VWF: variants seen among roughly 807,000 people sequenced by gnomAD.
VWF encodes the protein von Willebrand factor.
A neutral mutation model predicts 308.6 loss-of-function variants in VWF; 176 were observed. The ratio of observed to expected loss-of-function variants is 0.57; its 90% CI spans 0.50 to 0.65. VWF has a LOEUF of 0.65. Ranked by LOEUF, VWF falls within the 30% of genes least tolerant of loss-of-function variation. VWF has a pLI of 0.00. For missense variants in VWF, 3,146 were observed against 3,648.2 expected, an observed-to-expected ratio of 0.86 and a Z score of 3.55; for synonymous variants, 1,385 against 1,443.4, an observed-to-expected ratio of 0.96 and a Z score of 0.92.
At chr12:6,099,187 G>T (rs183520012) in intron 5 of VWF, among the ~76,000 whole-genome samples, 1 of 152,072 alleles carries the variant, frequency 6.6e-6, no homozygotes, top group African/African-American at 2.4e-5. Context: ...AGGCGTGGGG[G>T]TGGATGCCTG....
rs187297022 is a variant in VWF, at chr12:6,087,536, T to C, written c.657+7924A>G. Among the ~76,000 whole-genome samples, 93 of 144,986 alleles carry C rather than the reference T, an allele frequency of 6.4e-4. 1 individual carries two copies. Among genetic ancestry groups the C allele is most frequent in the Non-Finnish European group, 9.3e-4 (62 of 66,538 alleles). The stretch of plus-strand genomic sequence containing the variant: ...ACCACGCCCGGCTAATTTTTTTTTT[T>C]TTGTATTGTTAGTAGAGACGGGGCT... On this transcript the variant is annotated intron_variant, in intron 6 of 51. Coordinates refer to ENST00000261405, the MANE Select transcript of VWF (RefSeq NM_000552.5).
intron 6 of VWF, among the ~76,000 whole-genome samples, chr12:6,091,697 C>A (rs1945036668): frequency 6.6e-6 from 1 of 152,148 alleles, no homozygotes; most frequent in South Asian, 2.1e-4. Flanking sequence ...GTATGAGCCA[C>A]CGCACCAGGC....
At chr12:6,105,609 TAAGTA>T (rs1367227691) in intron 5 of VWF, among the ~76,000 whole-genome samples, 2 of 152,206 alleles carry the variant, frequency 1.3e-5, no homozygotes, top group Admixed American at 1.3e-4. Flanking sequence ...TTTCTCCTTT[TAAGTA>T]AAGAGAAATA....
intron 42 of VWF, among the ~76,000 whole-genome samples, chr12:5,977,923 G>C (rs888428750): frequency 4.7e-5 from 7 of 148,078 alleles, no homozygotes; most frequent in Non-Finnish European, 1.0e-4. Context: ...ATAAATTATA[G>C]GGTGGAGGAA....
At chr12:6,105,226 A>T (rs989210815) in intron 5 of VWF, among the ~76,000 whole-genome samples, 2 of 152,066 alleles carry the variant, frequency 1.3e-5, no homozygotes, top group Admixed American at 6.6e-5. Flanking sequence ...GTACCCCATA[A>T]ATTTATACAA....
chr12:6,073,891 A>G, intron 7 of VWF, 150 bp from the exon 8 acceptor site: 1 of 1,240,972 alleles, frequency 8.1e-7, no homozygotes, highest in Non-Finnish European at 1.1e-6. Flanking sequence ...CCAGTGAGCC[A>G]CGTGCCCCCC....
At chr12:6,109,473 T>C (rs1945280389) in intron 5 of VWF, among the ~76,000 whole-genome samples, 1 of 152,168 alleles carries the variant, frequency 6.6e-6, no homozygotes, top group Non-Finnish European at 1.5e-5. Context: ...TCCAATATGG[T>C]ACATTCCAAT....
At chr12:5,965,003 C>A (rs1943384439) in intron 47 of VWF, among the ~76,000 whole-genome samples, 1 of 152,166 alleles carries the variant, frequency 6.6e-6, no homozygotes, top group Non-Finnish European at 1.5e-5. Context: ...AGGGCCAGAC[C>A]ACAGCTGCAC....
At chr12:6,030,915 G>A (rs1479045406) in intron 21 of VWF, among the ~76,000 whole-genome samples, 1 of 152,156 alleles carries the variant, frequency 6.6e-6, no homozygotes, top group Non-Finnish European at 1.5e-5. Context: ...TGTAGTCCCA[G>A]CTACTAAGGA....
rs71582862 is a variant in VWF, at chr12:6,046,585, C to T, written c.2281+138G>A. On this transcript the variant is annotated intron_variant, in intron 17 of 51. Coordinates refer to ENST00000261405, the MANE Select transcript of VWF (RefSeq NM_000552.5). The surrounding 1 kb of genome is among the most constrained non-coding windows in gnomAD (Gnocchi z 5.0). ...ACTCACACAAACCCAGAAATGAAGG[C>T]GATCCTGGGCGAAGCCAGACCCATG... 0.017 allele frequency: 13,842 copies of T among 824,014 alleles called. 163 individuals carry two copies. The highest frequency in any genetic ancestry group is 0.023 in the Non-Finnish European group (11,254 of 498,822). 51.0% of individuals were successfully genotyped at this position (824,014 alleles called of 1,614,324 possible). A position where few individuals can be genotyped will look rare whatever the true frequency, so the allele number is the denominator to read the frequency against.
chr12:6,028,808 G>A (rs530407409), intron 22 of VWF, among the ~76,000 whole-genome samples: 4 of 152,292 alleles, frequency 2.6e-5, no homozygotes, highest in African/African-American at 9.6e-5. Context: ...GCAAAAACAT[G>A]CCAAATTGTA....
intron 15 of VWF, 51 bp downstream of exon 15, chr12:6,056,806 G>C: frequency 7.6e-7 from 1 of 1,318,014 alleles, no homozygotes; most frequent in South Asian, 2.0e-5. Context: ...AAGCACACGT[G>C]GACGGATTTG....
intron 14 of VWF, among the ~76,000 whole-genome samples, chr12:6,057,469 C>T (rs1267873325): frequency 2.3e-5 from 3 of 129,818 alleles, no homozygotes; most frequent in Non-Finnish European, 5.1e-5. Context: ...CGCCCCACCA[C>T]GCCCGGCAAA....
rs148257947 is a variant in VWF at position 6,017,246 on chromosome 12, C to T, written c.5054-376G>A. Reference sequence around the variant, plus strand: ...AAGGAGACTGCAAAAGGAAATGGAGCGGCAGCCCCTCCCTGGACAATGAGC... The same window carrying T: ...AAGGAGACTGCAAAAGGAAATGGAGTGGCAGCCCCTCCCTGGACAATGAGC... On this transcript the variant is annotated intron_variant, in intron 28 of 51. Transcript: ENST00000261405. 3.7e-3 allele frequency among the ~76,000 whole-genome samples: 567 copies of T among 152,254 alleles called. 4 individuals carry two copies. Among genetic ancestry groups the T allele is most frequent in the African/African-American group, 0.013 (520 of 41,534 alleles).
chr12:6,029,532 G>C, intron 21 of VWF, 44 bp from the exon 22 acceptor site: 1 of 1,611,856 alleles, frequency 6.2e-7, no homozygotes, highest in Non-Finnish European at 8.5e-7. Context: ...TGAAGGGCAG[G>C]CTCGACAGCC....
intron 5 of VWF, among the ~76,000 whole-genome samples, chr12:6,105,380 T>C (rs1248090920): frequency 1.3e-5 from 2 of 152,100 alleles, no homozygotes; most frequent in African/African-American, 2.4e-5. Context: ...AGGCATGTGC[T>C]ACCACCCCCA....
chr12:5,981,943 G>A lies in VWF; in HGVS notation c.7130C>T (p.Pro2377Leu), dbSNP rs368646629. Residue 2377 changes from proline to leucine, a missense_variant, in exon 42 of 52, where the codon CCG becomes CTG. Physicochemically the swap from Pro to Leu is moderately conservative, Grantham distance 98. Coordinates refer to ENST00000261405, the MANE Select transcript of VWF (RefSeq NM_000552.5). ...CTTCCGAAGGGTGGGCAAACGGTGCGGGGGGCAGGAGGGTGGGGACACTCT... is the reference window on the plus strand; with the variant it reads ...CTTCCGAAGGGTGGGCAAACGGTGCAGGGGGCAGGAGGGTGGGGACACTCT... ...CKRVSPPSCPPHRLPTLRKTQ... is the reference protein window; with the variant it reads ...CKRVSPPSCPLHRLPTLRKTQ... The A allele has an allele frequency of 3.7e-5, 59 of 1,613,756 alleles. No individual in the cohort carries two copies. Among genetic ancestry groups the A allele is most frequent in the African/African-American group, 6.7e-5 (5 of 74,896 alleles).
In VWF at chr12:5,994,533, G is replaced by A. The variant is rs183640579; in HGVS notation, c.6138C>T (p.Ile2046=). The change falls in exon 36 of 52, where the codon ATC becomes ATT. Residue 2046 remains isoleucine, a synonymous_variant. Coordinates refer to ENST00000261405, the MANE Select transcript of VWF (RefSeq NM_000552.5). ...GNMEVNVYGA[I]MHEVRFNHLG... ...GGTGATTGAATCTGACCTCATGCAT[G>A]ATGGCACCATAAACGTTGACTTCCA... 6.2e-7 allele frequency: 1 copy of A among 1,613,910 alleles called. No individual in the cohort carries two copies. The highest frequency in any genetic ancestry group is 1.1e-5 in the South Asian group (1 of 91,072).
At chr12:5,996,279 A>G (rs775417837) in intron 34 of VWF, 57 bp from the exon 35 acceptor site, 7 of 1,515,508 alleles carry the variant, frequency 4.6e-6, no homozygotes, top group Non-Finnish European at 6.3e-6. Flanking sequence ...CATGCCTACT[A>G]CATGCAGACA....
Sources: gnomAD v4.1 joint callset for allele counts (sites outside exome capture counted in the v4.1 genomes callset) on GRCh38, gnomAD v4.1.1 for gene constraint, Gnocchi (gnomAD v3.1) non-coding constraint, MANE v1.5 for transcripts, NCBI Gene and HGNC (gene_info 2026-07-23, HGNC 2026-07-21) for gene names.